The following SIMC1 variants were observed in gnomAD, a reference collection of about 807,000 sequenced individuals.
The protein encoded by SIMC1 is SUMO interacting motifs containing 1, also known as SUMO-interacting motif-containing protein 1.
SIMC1 carries 55 observed loss-of-function variants against 82.3 expected under a neutral mutation model. That is an observed-to-expected ratio of 0.67 (90% CI 0.54 to 0.84). The LOEUF is 0.84. Ranked by LOEUF, SIMC1 falls within the 40% of genes least tolerant of loss-of-function variation. SIMC1 has a pLI of 0.00. For missense variants in SIMC1, 915 were observed against 1,107.2 expected (o/e 0.83, Z 2.46); for synonymous variants, 353 against 426.3 (o/e 0.83, Z 2.12).
intron 5 of SIMC1, among the ~76,000 whole-genome samples, chr5:176,317,060 TTTG>T (rs934508429): frequency 2.0e-5 from 3 of 152,122 alleles, no homozygotes; most frequent in Non-Finnish European, 4.4e-5. Context: ...GGTCCTCTGT[TTTG>T]TGCTTACTCA....
At position 176,343,003 on chromosome 5, in the gene SIMC1, T is replaced by A. The variant is rs550214180; in HGVS notation, c.2414-2180T>A. ...GTGCTGTTTGAAGGTTGAAAGGGCC[T>A]TGCACTTCCATCTCAAGGCAGCTTT... On this transcript the variant is annotated intron_variant, in intron 9 of 9. Coordinates refer to ENST00000429602, the MANE Select transcript of SIMC1 (RefSeq NM_001308195.2). 3.3e-5 allele frequency among the ~76,000 whole-genome samples: 5 copies of A among 152,332 alleles called. No individual in the cohort carries two copies. In the Middle Eastern group the frequency reaches 0.017, roughly 518 times the overall value.
Position 176,345,401 on chromosome 5 carries a change from A to G in SIMC1, c.2632A>G (p.Asn878Asp), listed in dbSNP as rs1469243736. 6.2e-7 allele frequency: 1 copy of G among 1,613,778 alleles called. No homozygotes were observed. Among genetic ancestry groups the G allele is most frequent in the African/African-American group, 1.3e-5 (1 of 74,876 alleles). Residue 878 changes from asparagine to aspartate, a missense_variant, in exon 10 of 10, where the codon AAC (asparagine) becomes GAC (aspartate). Asn to Asp is a conservative substitution (Grantham distance 23). Coordinates refer to ENST00000429602, the MANE Select transcript of SIMC1 (RefSeq NM_001308195.2). ...CCTGCTCTTCTATGCTGCGGACTTG[A>G]ACCCTGATGCAGAGCCCTTTCAAAA... ...KLLLFYAADLNPDAEPFQKGW... is the reference protein window; with the variant it reads ...KLLLFYAADLDPDAEPFQKGW...
At chr5:176,263,948 G>GA (rs935930079) in intron 1 of SIMC1, among the ~76,000 whole-genome samples, 5 of 152,234 alleles carry the variant, frequency 3.3e-5, no homozygotes, top group African/African-American at 9.6e-5. Context: ...ATTCCAGAAG[G>GA]AAAAAAATGG....
At chr5:176,259,176 T>C (rs1581223702) in intron 1 of SIMC1, among the ~76,000 whole-genome samples, 2 of 152,364 alleles carry the variant, frequency 1.3e-5, no homozygotes, top group African/African-American at 2.4e-5. Context: ...TTTTAAATTA[T>C]AAACATTAGG....
At chr5:176,240,178 C>A (rs1761235603) in intron 1 of SIMC1, among the ~76,000 whole-genome samples, 1 of 89,848 alleles carries the variant, frequency 1.1e-5, no homozygotes, top group Non-Finnish European at 2.4e-5. Context: ...TATTGAAGGC[C>A]TAATAGTGAC....
chr5:176,337,282 T>C, intron 9 of SIMC1, 136 bp downstream of exon 9: 1 of 757,658 alleles, frequency 1.3e-6, no homozygotes, highest in Admixed American at 2.8e-5. Flanking sequence ...GGATAAGAAA[T>C]GACATAGCCG....
In SIMC1 at chr5:176,290,476, T is replaced by C; in HGVS notation, c.952T>C (p.Ser318Pro). The change falls in exon 2 of 10, where the codon TCA becomes CCA. Residue 318 changes from serine to proline, a missense_variant. Transcript: ENST00000429602. ...ACGGTCACCAGGAGATGTGCCACAG[T>C]CACCAAGTGATGTTTCACCGTCACC... ...MPRSPGDVPQSPSDVSPSPDA... is the reference protein window; with the variant it reads ...MPRSPGDVPQPPSDVSPSPDA... 2.5e-6 allele frequency: 4 copies of C among 1,613,888 alleles called. No individual in the cohort carries two copies. The highest frequency in any genetic ancestry group is 3.4e-6 in the Non-Finnish European group (4 of 1,179,862).
At chr5:176,277,552 G>C (rs1404160754) in intron 1 of SIMC1, among the ~76,000 whole-genome samples, 1 of 151,936 alleles carries the variant, frequency 6.6e-6, no homozygotes, top group East Asian at 1.9e-4. Context: ...GTAATGCCTA[G>C]GTTTTCTTCT....
chr5:176,334,945 G>T (rs1195136888), intron 7 of SIMC1, among the ~76,000 whole-genome samples: 2 of 151,874 alleles, frequency 1.3e-5, no homozygotes, highest in Non-Finnish European at 2.9e-5. Flanking sequence ...ACAAAAATTA[G>T]CTGGGCATGG....
chr5:176,276,909 C>G (rs1332452931), intron 1 of SIMC1, among the ~76,000 whole-genome samples: 2 of 150,322 alleles, frequency 1.3e-5, no homozygotes, highest in Non-Finnish European at 3.0e-5. Context: ...AGTAAACATA[C>G]GTGTACATGT....
intron 1 of SIMC1, among the ~76,000 whole-genome samples, chr5:176,278,746 T>G (rs1762837204): frequency 7.6e-6 from 1 of 131,502 alleles, no homozygotes; most frequent in African/African-American, 2.8e-5. Context: ...ATATGCTGGA[T>G]TACATTTATT....
In SIMC1 at chr5:176,345,343, C is replaced by A; in HGVS notation, c.2574C>A (p.Pro858=). 1.9e-6 allele frequency: 3 copies of A among 1,613,986 alleles called. No individual in the cohort carries two copies. Among genetic ancestry groups the A allele is most frequent in the South Asian group, 1.1e-5 (1 of 91,084 alleles). The change falls in exon 10 of 10, where the codon CCC becomes CCA. Residue 858 remains proline, a synonymous_variant. Coordinates refer to ENST00000429602, the MANE Select transcript of SIMC1 (RefSeq NM_001308195.2). ...LIQMLGEPLV[P]QLQDKVHLLK... ...AGATGCTGGGGGAGCCTCTTGTCCC[C>A]CAACTCCAAGACAAAGTGCACTTGT... is the stretch of plus-strand genomic sequence containing the variant.
At chr5:176,325,961 G>A (rs968921409) in intron 7 of SIMC1, among the ~76,000 whole-genome samples, 2 of 152,114 alleles carry the variant, frequency 1.3e-5, no homozygotes, top group Admixed American at 1.3e-4. Context: ...TATTTCATTA[G>A]GAAGGGATAA....
At chr5:176,327,723 A>T (rs1054710236) in intron 7 of SIMC1, among the ~76,000 whole-genome samples, 10 of 152,204 alleles carry the variant, frequency 6.6e-5, no homozygotes, top group African/African-American at 2.4e-4. Flanking sequence ...TTAGCTATAA[A>T]TGTTTCATAG....
intron 1 of SIMC1, among the ~76,000 whole-genome samples, chr5:176,275,955 C>T (rs890000698): frequency 6.6e-6 from 1 of 151,482 alleles, no homozygotes; most frequent in Admixed American, 6.6e-5. Context: ...TGTCTCTGCC[C>T]GGCTTTGGTA....
At chr5:176,298,679 AT>A (rs1409676163) in intron 4 of SIMC1, among the ~76,000 whole-genome samples, 1 of 152,208 alleles carries the variant, frequency 6.6e-6, no homozygotes, top group Non-Finnish European at 1.5e-5. Context: ...CTTTTAAGAC[AT>A]TGATAATATA....
chr5:176,309,214 A>G (rs530381240), intron 4 of SIMC1, among the ~76,000 whole-genome samples: 2 of 152,336 alleles, frequency 1.3e-5, no homozygotes, highest in South Asian at 4.1e-4. Flanking sequence ...CCCAGAAATA[A>G]ACCCATATAA....
At chr5:176,302,361 C>T (rs1015099461) in intron 4 of SIMC1, among the ~76,000 whole-genome samples, 3 of 152,082 alleles carry the variant, frequency 2.0e-5, no homozygotes, top group African/African-American at 7.2e-5. Flanking sequence ...TGACAAAATT[C>T]AACACCCTTT....
At chr5:176,250,805 A>G (rs1761625382) in intron 1 of SIMC1, among the ~76,000 whole-genome samples, 1 of 151,552 alleles carries the variant, frequency 6.6e-6, no homozygotes, top group African/African-American at 2.4e-5. Flanking sequence ...TTTGCTTTCC[A>G]TTTGCTTGGT....
Sources: gnomAD v4.1 joint callset for allele counts (sites outside exome capture counted in the v4.1 genomes callset) on GRCh38, gnomAD v4.1.1 for gene constraint, MANE v1.5 for transcripts, NCBI Gene and HGNC (gene_info 2026-07-23, HGNC 2026-07-21) for gene names.